MED21: variants seen among roughly 807,000 people sequenced by gnomAD.
The protein encoded by MED21 is mediator of RNA polymerase II transcription subunit 21.
Under a neutral mutation model 18.2 loss-of-function variants are expected in MED21, and 9 were observed. The ratio of observed to expected loss-of-function variants is 0.49; its 90% confidence interval spans 0.30 to 0.86. MED21 has a LOEUF of 0.86. MED21 is among the 40% of genes least tolerant of loss of function. MED21 has a pLI of 0.07. For missense variants in MED21, 150 were observed against 170.9 expected, an observed-to-expected ratio of 0.88 and a Z score of 0.68; for synonymous variants, 73 against 60.5, an observed-to-expected ratio of 1.21 and a Z score of -0.96.
At chr12:27,033,944 G>T (rs868478662), downstream of MED21, among the ~76,000 whole-genome samples, 2 of 151,928 alleles carry the variant, frequency 1.3e-5, no homozygotes, top group Non-Finnish European at 2.9e-5. Flanking sequence ...GAGAAAGAAA[G>T]AAATAATAAA....
At chr12:27,034,862 T>C (rs147817995), downstream of MED21, among the ~76,000 whole-genome samples, 803 of 152,200 alleles carry the variant, frequency 5.3e-3, 11 homozygotes, top group African/African-American at 0.019. Context: ...GTGCTTCTTA[T>C]GCCTCAGCCT....
rs1253416645 is a variant in MED21, at chr12:27,029,199, A to G, written c.*738A>G. 7 of 985,284 alleles carry G rather than the reference A, an allele frequency of 7.1e-6. No homozygotes were observed. The highest frequency in any genetic ancestry group is 9.4e-5 in the South Asian group (2 of 21,278). 61.0% of individuals were successfully genotyped at this position (985,284 alleles called of 1,614,324 possible). Reference sequence around the variant, plus strand: ...ATGAAGTATGTTTTTTGAATCATCAATTCTTTCTCATTCTCCATTTATCTG... The same window carrying G: ...ATGAAGTATGTTTTTTGAATCATCAGTTCTTTCTCATTCTCCATTTATCTG... On this transcript the variant is annotated 3_prime_UTR_variant, in exon 4 of 4. Coordinates refer to ENST00000282892, the MANE Select transcript of MED21 (RefSeq NM_004264.5).
downstream of MED21, among the ~76,000 whole-genome samples, chr12:27,035,218 A>G (rs1474048553): frequency 6.6e-6 from 1 of 152,182 alleles, no homozygotes; most frequent in Non-Finnish European, 1.5e-5. Context: ...CTCAAACAAA[A>G]TAAAAACAAC....
chr12:27,035,312 G>C (rs61920363), downstream of MED21, among the ~76,000 whole-genome samples: 51,290 of 151,742 alleles, frequency 0.34, 10,109 homozygotes, highest in Non-Finnish European at 0.47. Flanking sequence ...CTAAATATGC[G>C]GTTTCTTTGA....
chr12:27,032,081 T>C (rs931307012), downstream of MED21, among the ~76,000 whole-genome samples: 3 of 152,164 alleles, frequency 2.0e-5, no homozygotes, highest in African/African-American at 4.8e-5. Context: ...CTTTTACCCA[T>C]ATCTAAGTTG....
downstream of MED21, among the ~76,000 whole-genome samples, chr12:27,031,588 G>T (rs1565481799): frequency 6.6e-6 from 1 of 152,072 alleles, no homozygotes; most frequent in Non-Finnish European, 1.5e-5. Flanking sequence ...TTTTAATCCA[G>T]TCAGATCAGA....
intron 1 of MED21, among the ~76,000 whole-genome samples, chr12:27,025,200 C>T (rs917737320): frequency 6.6e-6 from 1 of 152,124 alleles, no homozygotes; most frequent in African/African-American, 2.4e-5. Context: ...ATGAAAAATG[C>T]TGCTTGGATT....
intron 1 of MED21, among the ~76,000 whole-genome samples, chr12:27,024,393 T>C (rs1284132653): frequency 6.6e-6 from 1 of 152,154 alleles, no homozygotes; most frequent in African/African-American, 2.4e-5. Context: ...ATAAAACTGA[T>C]CTACCCTGGG....
At position 27,030,129 on chromosome 12, in the gene MED21, T is replaced by TTTG; in HGVS notation, c.*1674_*1676dup. 1.6e-6 allele frequency: 1 copy of TTTG among 637,566 alleles called. No individual in the cohort carries two copies. Among genetic ancestry groups the TTTG allele is most frequent in the Non-Finnish European group, 2.9e-6 (1 of 350,254 alleles). 39.5% of individuals were successfully genotyped at this position (637,566 alleles called of 1,614,324 possible). On this transcript the variant is annotated 3_prime_UTR_variant, in exon 4 of 4. Coordinates refer to ENST00000282892, the MANE Select transcript of MED21 (RefSeq NM_004264.5). Reference sequence around the variant, plus strand: ...CTCTGTAGAGGATATACAGTTTTTTTTTGTTGTTCTTGTTTCTGTTTTTTT... The same window carrying TTTG: ...CTCTGTAGAGGATATACAGTTTTTTTTTGTTGTTGTTCTTGTTTCTGTTTTTTT...
At chr12:27,034,990 C>G (rs1346891329), downstream of MED21, among the ~76,000 whole-genome samples, 1 of 152,080 alleles carries the variant, frequency 6.6e-6, no homozygotes, top group East Asian at 1.9e-4. Context: ...ACCTTAGGTG[C>G]TCCGCCTGCC....
Position 27,029,534 on chromosome 12 carries a change from T to C in MED21, c.*1073T>C. ...CTGCAATCTGTTGCTATTCAGAGTT[T>C]AAGTTTCAGGAGAAAACAGGAACAA... is the stretch of plus-strand genomic sequence containing the variant. On this transcript the variant is annotated 3_prime_UTR_variant, in exon 4 of 4. Coordinates refer to ENST00000282892, the MANE Select transcript of MED21 (RefSeq NM_004264.5). 1 of 985,458 alleles carries C rather than the reference T, an allele frequency of 1.0e-6. No individual in the cohort carries two copies. 61.0% of individuals were successfully genotyped at this position (985,458 alleles called of 1,614,324 possible). A position where few individuals can be genotyped will look rare whatever the true frequency, so the allele number is the denominator to read the frequency against.
rs573854635 is a variant in MED21 at position 27,027,343 on chromosome 12, C to G, written c.158-4C>G. 1 of 1,606,398 alleles carries G rather than the reference C, an allele frequency of 6.2e-7. No individual in the cohort carries two copies. The highest frequency in any genetic ancestry group is 8.5e-7 in the Non-Finnish European group (1 of 1,175,702). On this transcript the variant is annotated splice_polypyrimidine_tract_variant and splice_region_variant and intron_variant, in intron 2 of 3. Coordinates refer to ENST00000282892, the MANE Select transcript of MED21 (RefSeq NM_004264.5). Reference sequence around the variant, plus strand: ...TATCCTAATCTAGCAGTATCTTTCTCTAGAGTATGCCCAGCTTTTTGCAGC... The same window carrying G: ...TATCCTAATCTAGCAGTATCTTTCTGTAGAGTATGCCCAGCTTTTTGCAGC...
chr12:27,030,087 C>A lies in MED21; in HGVS notation c.*1626C>A. The A allele has an allele frequency of 4.3e-6, 2 of 469,464 alleles. No homozygotes were observed. Among genetic ancestry groups the A allele is most frequent in the Non-Finnish European group, 3.8e-6 (1 of 260,832 alleles). 29.1% of individuals were successfully genotyped at this position (469,464 alleles called of 1,614,324 possible). A position where few individuals can be genotyped will look rare whatever the true frequency, so the allele number is the denominator to read the frequency against. ...TTGTTATTTGAAAGAAAAAAATTAA[C>A]GTTGTTGTATGTGATTCTCTGTAGA... On this transcript the variant is annotated 3_prime_UTR_variant, in exon 4 of 4. Transcript: ENST00000282892.
Position 27,029,622 on chromosome 12 carries a change from A to C in MED21, c.*1161A>C, listed in dbSNP as rs748256153. The C allele has an allele frequency of 1.0e-6, 1 of 985,292 alleles. No individual in the cohort carries two copies. Among genetic ancestry groups the C allele is most frequent in the Non-Finnish European group, 1.2e-6 (1 of 829,890 alleles). The allele number at this position is 985,292 out of a possible 1,614,324, so 61.0% of individuals were successfully genotyped here. ...TTTTCCACAGTTCTTGAAAAGTACT[A>C]TGTTTCAAATTTCAGGAACACCAGC... On this transcript the variant is annotated 3_prime_UTR_variant, in exon 4 of 4. Coordinates refer to ENST00000282892, the MANE Select transcript of MED21 (RefSeq NM_004264.5).
At chr12:27,034,679 G>A (rs896961779), downstream of MED21, among the ~76,000 whole-genome samples, 1 of 152,082 alleles carries the variant, frequency 6.6e-6, no homozygotes, top group Non-Finnish European at 1.5e-5. Context: ...GGGCTCAACC[G>A]ATCTGCCCAT....
Position 27,029,664 on chromosome 12 carries a change from G to A in MED21, c.*1203G>A. ...AACACCAGCGTTAGCTGTAAAAGTT[G>A]CAGCAATTTATTGGCTAGTCATAGA... is the stretch of plus-strand genomic sequence containing the variant. On this transcript the variant is annotated 3_prime_UTR_variant, in exon 4 of 4. Transcript: ENST00000282892. 3.0e-6 allele frequency: 3 copies of A among 985,398 alleles called. No individual in the cohort carries two copies. The highest frequency in any genetic ancestry group is 2.4e-6 in the Non-Finnish European group (2 of 829,910). 61.0% of individuals were successfully genotyped at this position (985,398 alleles called of 1,614,324 possible).
At position 27,030,025 on chromosome 12, in the gene MED21, ATATAAT is replaced by A. The variant is rs1206762680; in HGVS notation, c.*1565_*1570del. 4.6e-6 allele frequency: 2 copies of A among 433,798 alleles called. No homozygotes were observed. The highest frequency in any genetic ancestry group is 4.0e-5 in the African/African-American group (2 of 49,856). 26.9% of individuals were successfully genotyped at this position (433,798 alleles called of 1,614,324 possible). A position where few individuals can be genotyped will look rare whatever the true frequency, so the allele number is the denominator to read the frequency against. On this transcript the variant is annotated 3_prime_UTR_variant, in exon 4 of 4. Transcript: ENST00000282892. ...AAAGAAGGCATAATGTATAGGGTAA[ATATAAT>A]AGACTTCTCTTGAGGTTTTAAAAAT...
At chr12:27,032,927 A>G (rs1261581036), downstream of MED21, among the ~76,000 whole-genome samples, 1 of 152,170 alleles carries the variant, frequency 6.6e-6, no homozygotes, top group Non-Finnish European at 1.5e-5. Context: ...AAAATTGACT[A>G]GCCACCAGGA....
downstream of MED21, among the ~76,000 whole-genome samples, chr12:27,034,938 A>G (rs1170168276): frequency 6.6e-6 from 1 of 152,036 alleles, no homozygotes; most frequent in Non-Finnish European, 1.5e-5. Context: ...TTTCGTAGAG[A>G]CAGGGTTTTA....
Sources: gnomAD v4.1 joint callset for allele counts (sites outside exome capture counted in the v4.1 genomes callset) on GRCh38, gnomAD v4.1.1 for gene constraint, MANE v1.5 for transcripts, NCBI Gene and HGNC (gene_info 2026-07-23, HGNC 2026-07-21) for gene names.